NCAM2: variants seen among roughly 807,000 people sequenced by gnomAD.
NCAM2 encodes the protein neural cell adhesion molecule 2.
In NCAM2, 30 loss-of-function variants were observed where a neutral mutation model predicts 98.1. That is an observed-to-expected ratio of 0.31 (90% CI 0.23 to 0.41). The LOEUF (loss-of-function observed/expected upper bound fraction) is 0.41. Among genes scored for constraint, NCAM2 ranks in the 10% least tolerant of loss-of-function variants. The pLI is 1.00. For missense variants in NCAM2, 867 were observed against 1,005.8 expected (o/e 0.86, Z 1.87); for synonymous variants, 368 against 342.4 (o/e 1.07, Z -0.83).
chr21:21,192,138 A>G (rs891857966), intron 1 of NCAM2, among the ~76,000 whole-genome samples: 5 of 152,128 alleles, frequency 3.3e-5, no homozygotes, highest in Non-Finnish European at 5.9e-5. Flanking sequence ...CAGGAGAATC[A>G]CTTGAATCCA....
chr21:21,507,222 G>A (rs1988037629), intron 15 of NCAM2, among the ~76,000 whole-genome samples: 2 of 152,056 alleles, frequency 1.3e-5, no homozygotes. Flanking sequence ...TTGTATGTTA[G>A]CAGTTGTTCT....
intron 8 of NCAM2, among the ~76,000 whole-genome samples, chr21:21,364,283 T>G (rs554735617): frequency 5.5e-4 from 84 of 152,082 alleles, no homozygotes; most frequent in African/African-American, 1.9e-3. Flanking sequence ...AAATCTGTTA[T>G]CAATTATACA....
intron 16 of NCAM2, among the ~76,000 whole-genome samples, chr21:21,510,496 G>A (rs539439320): frequency 2.7e-4 from 41 of 152,120 alleles, no homozygotes; most frequent in African/African-American, 8.4e-4. Flanking sequence ...GACCATTCAT[G>A]TTTTGTATTT....
chr21:21,066,959 T>A (rs959334205), intron 1 of NCAM2, among the ~76,000 whole-genome samples: 32 of 152,068 alleles, frequency 2.1e-4, no homozygotes, highest in African/African-American at 7.5e-4. Context: ...ACTGGGGGTA[T>A]TACCTTAATG....
intron 9 of NCAM2, among the ~76,000 whole-genome samples, chr21:21,377,572 T>A (rs554987517): frequency 1.3e-5 from 2 of 151,944 alleles, no homozygotes; most frequent in African/African-American, 4.8e-5. Context: ...TTATTTTTGA[T>A]TGGCCAACAA....
At chr21:21,150,000 C>G (rs2067401130) in intron 1 of NCAM2, among the ~76,000 whole-genome samples, 1 of 152,046 alleles carries the variant, frequency 6.6e-6, no homozygotes, top group South Asian at 2.1e-4. Flanking sequence ...CACTATTTTC[C>G]ACAACGGTTG....
chr21:21,479,583 CAAAAAAA>C (rs1156588500), intron 15 of NCAM2, among the ~76,000 whole-genome samples: 30 of 30,962 alleles, frequency 9.7e-4, no homozygotes, highest in African/African-American at 2.0e-3. Context: ...GACTGCGTCT[CAAAAAAA>C]AAAAAAAAAA....
At chr21:21,251,728 T>A (rs376423663) in intron 1 of NCAM2, among the ~76,000 whole-genome samples, 1 of 133,954 alleles carries the variant, frequency 7.5e-6, no homozygotes, top group African/African-American at 2.8e-5. Flanking sequence ...TGAATATCCT[T>A]TACCCACTTT....
chr21:21,015,526 T>G (rs2064289751), intron 1 of NCAM2, among the ~76,000 whole-genome samples: 1 of 152,174 alleles, frequency 6.6e-6, no homozygotes, highest in South Asian at 2.1e-4. Flanking sequence ...TATGGACATT[T>G]TTAGACATCA....
chr21:21,344,020 G>A (rs1407229341), intron 8 of NCAM2, among the ~76,000 whole-genome samples: 1 of 152,190 alleles, frequency 6.6e-6, no homozygotes, highest in Non-Finnish European at 1.5e-5. Flanking sequence ...GGAAAGGAAA[G>A]AGTAAGGAGG....
intron 1 of NCAM2, among the ~76,000 whole-genome samples, chr21:21,067,501 A>T (rs1206786413): frequency 6.6e-6 from 1 of 152,168 alleles, no homozygotes; most frequent in East Asian, 1.9e-4. Flanking sequence ...ATTTTCCAAC[A>T]TTTCACTCAG....
At chr21:21,311,037 G>A (rs1238450290) in intron 5 of NCAM2, among the ~76,000 whole-genome samples, 1 of 152,130 alleles carries the variant, frequency 6.6e-6, no homozygotes, top group Non-Finnish European at 1.5e-5. Flanking sequence ...TTATCCAACT[G>A]TTCTTTTACA....
intron 1 of NCAM2, among the ~76,000 whole-genome samples, chr21:21,226,255 T>C (rs533800039): frequency 6.6e-6 from 1 of 151,898 alleles, no homozygotes; most frequent in South Asian, 2.1e-4. Flanking sequence ...AACCTCAGCA[T>C]CCTACAAAAT....
chr21:21,086,693 T>C (rs1433009151), intron 1 of NCAM2, among the ~76,000 whole-genome samples: 1 of 152,156 alleles, frequency 6.6e-6, no homozygotes, highest in African/African-American at 2.4e-5. Flanking sequence ...TAAAAAAGAA[T>C]GGTTTTGGGG....
intron 1 of NCAM2, among the ~76,000 whole-genome samples, chr21:21,101,562 A>G (rs1267174778): frequency 6.6e-6 from 1 of 152,040 alleles, no homozygotes; most frequent in Non-Finnish European, 1.5e-5. Flanking sequence ...GCTTTCTTTT[A>G]TTTCAAATCT....
At chr21:21,385,449 G>C (rs2076251363) in intron 9 of NCAM2, among the ~76,000 whole-genome samples, 1 of 150,742 alleles carries the variant, frequency 6.6e-6, no homozygotes, top group Non-Finnish European at 1.5e-5. Flanking sequence ...TATACCACCT[G>C]AACCAAGCAC....
intron 9 of NCAM2, among the ~76,000 whole-genome samples, chr21:21,396,222 A>G (rs1253997651): frequency 6.6e-6 from 1 of 152,220 alleles, no homozygotes; most frequent in Non-Finnish European, 1.5e-5. Context: ...TTCTCAAAGA[A>G]GATATACAAA....
At chr21:21,442,753 A>G (rs549842665) in intron 12 of NCAM2, among the ~76,000 whole-genome samples, 50 of 152,316 alleles carry the variant, frequency 3.3e-4, no homozygotes, top group African/African-American at 1.2e-3. Flanking sequence ...TGTTTGCTAT[A>G]TAATAATGAG....
intron 15 of NCAM2, among the ~76,000 whole-genome samples, chr21:21,500,767 T>G (rs999698244): frequency 6.6e-6 from 1 of 152,062 alleles, no homozygotes; most frequent in African/African-American, 2.4e-5. Flanking sequence ...GTAAGTAAGT[T>G]TGTGATTAAC....
Sources: gnomAD v4.1 joint callset for allele counts (sites outside exome capture counted in the v4.1 genomes callset) on GRCh38, gnomAD v4.1.1 for gene constraint, MANE v1.5 for transcripts, NCBI Gene and HGNC (gene_info 2026-07-23, HGNC 2026-07-21) for gene names.